NAALADL2: variants seen among roughly 807,000 people sequenced by gnomAD.
NAALADL2 encodes inactive N-acetylated-alpha-linked acidic dipeptidase-like protein 2.
A neutral mutation model predicts 87.2 loss-of-function variants in NAALADL2; 76 were observed. The observed-to-expected ratio is 0.87, with a 90% CI of 0.72 to 1.05. The LOEUF is 1.05. Among genes scored for constraint, NAALADL2 ranks in the 50% least tolerant of loss-of-function variants. The pLI is 0.00. For missense variants in NAALADL2, 1,089 were observed against 945.8 expected (o/e 1.15, Z -1.99); for synonymous variants, 354 against 331.0 (o/e 1.07, Z -0.75).
At chr3:174,829,027 A>G (rs553464044) in intron 3 of NAALADL2, among the ~76,000 whole-genome samples, 14 of 152,210 alleles carry the variant, frequency 9.2e-5, no homozygotes, top group Non-Finnish European at 1.6e-4. Flanking sequence ...TATTATGATC[A>G]GGCCCTGAGT....
At chr3:175,763,008 C>T (rs1006016399) in intron 13 of NAALADL2, among the ~76,000 whole-genome samples, 2 of 152,062 alleles carry the variant, frequency 1.3e-5, no homozygotes, top group African/African-American at 4.8e-5. Flanking sequence ...GGCATGAACC[C>T]AGGAGGCGGA....
rs186697688 is a variant in NAALADL2, at chr3:174,652,760, A to G, written c.-114-84881A>G. Among the ~76,000 whole-genome samples the G allele has an allele frequency of 4.6e-5, 7 of 152,300 alleles. No homozygotes were observed. In the East Asian group the frequency reaches 5.8e-4, roughly 13 times the overall value. ...CTATTATATTCAATTAAGAACTTCT[A>G]TAAATCAAAAGACATCATTAAGATA... On this transcript the variant is annotated intron_variant, in intron 2 of 3. Coordinates refer to the NAALADL2 transcript ENST00000434257.
chr3:175,645,163 C>G (rs1469102460), intron 11 of NAALADL2, among the ~76,000 whole-genome samples: 1 of 151,396 alleles, frequency 6.6e-6, no homozygotes, highest in African/African-American at 2.4e-5. Context: ...AATTTTTACT[C>G]AGCACCTGTA....
At chr3:175,190,724 C>T (rs189795085) in intron 2 of NAALADL2, among the ~76,000 whole-genome samples, 1 of 152,224 alleles carries the variant, frequency 6.6e-6, no homozygotes, top group African/African-American at 2.4e-5. Context: ...CGCCTGTAAT[C>T]CCAGCACTTT....
In NAALADL2 at chr3:174,826,675, G is replaced by T. The variant is rs578059462; in HGVS notation, c.-9+88929G>T. On this transcript the variant is annotated intron_variant, in intron 3 of 3. Coordinates refer to the NAALADL2 transcript ENST00000434257. ...TTTTCTCAGTGTATAAAATAGTTCTGACTTCCTTAGGGTTTTTGTAAGAAT... is the reference window on the plus strand; with the variant it reads ...TTTTCTCAGTGTATAAAATAGTTCTTACTTCCTTAGGGTTTTTGTAAGAAT... Among the ~76,000 whole-genome samples, 549 of 152,180 alleles carry T rather than the reference G, an allele frequency of 3.6e-3. 3 individuals carry two copies. The highest frequency in any genetic ancestry group is 0.02 in the Middle Eastern group (6 of 294).
chr3:174,688,067 T>C (rs1419759221), intron 2 of NAALADL2, among the ~76,000 whole-genome samples: 1 of 152,194 alleles, frequency 6.6e-6, no homozygotes, highest in Non-Finnish European at 1.5e-5. Flanking sequence ...ATTTTATATC[T>C]TATGTAATTT....
chr3:174,726,980 T>C (rs1036494462), intron 2 of NAALADL2, among the ~76,000 whole-genome samples: 1 of 152,260 alleles, frequency 6.6e-6, no homozygotes, highest in African/African-American at 2.4e-5. Context: ...GGTTCATTTA[T>C]TTATTAACCA....
intron 1 of NAALADL2, among the ~76,000 whole-genome samples, chr3:174,525,014 G>T (rs894008728): frequency 6.6e-6 from 1 of 152,168 alleles, no homozygotes; most frequent in Non-Finnish European, 1.5e-5. Context: ...GTATAGGTTT[G>T]TTGCCTGGAA....
At chr3:175,166,732 C>T (rs1734062776) in intron 2 of NAALADL2, among the ~76,000 whole-genome samples, 1 of 152,038 alleles carries the variant, frequency 6.6e-6, no homozygotes. Context: ...TATATACCTG[C>T]CCCTGTTCTC....
chr3:174,603,614 C>A (rs1411635507), intron 2 of NAALADL2, among the ~76,000 whole-genome samples: 1 of 151,362 alleles, frequency 6.6e-6, no homozygotes. Context: ...TTTTCTTCTA[C>A]TAATTTTGGG....
At chr3:174,566,255 G>T (rs1714251940) in intron 2 of NAALADL2, among the ~76,000 whole-genome samples, 1 of 151,750 alleles carries the variant, frequency 6.6e-6, no homozygotes, top group Non-Finnish European at 1.5e-5. Flanking sequence ...ATTAAATACA[G>T]ATATTTTTGT....
intron 4 of NAALADL2, among the ~76,000 whole-genome samples, chr3:175,296,608 AT>A (rs1489939565): frequency 6.6e-6 from 1 of 152,112 alleles, no homozygotes; most frequent in African/African-American, 2.4e-5. Flanking sequence ...AGATATATTT[AT>A]TCTTCAAGTC....
intron 9 of NAALADL2, among the ~76,000 whole-genome samples, chr3:175,558,798 C>T (rs553254148): frequency 1.4e-4 from 21 of 152,200 alleles, no homozygotes; most frequent in African/African-American, 5.1e-4. Flanking sequence ...TGTTTTTATG[C>T]CAGTACCATA....
At chr3:174,771,077 G>C (rs1022051812) in intron 3 of NAALADL2, among the ~76,000 whole-genome samples, 2 of 152,000 alleles carry the variant, frequency 1.3e-5, no homozygotes, top group Non-Finnish European at 2.9e-5. Flanking sequence ...GAATTTCTTC[G>C]ATGTTCAAAT....
At chr3:175,555,074 T>C (rs764499182) in intron 9 of NAALADL2, among the ~76,000 whole-genome samples, 1 of 152,230 alleles carries the variant, frequency 6.6e-6, no homozygotes, top group Non-Finnish European at 1.5e-5. Context: ...TTTCCAAGTC[T>C]ACTTTCTATG....
rs1029982981 is a variant in NAALADL2, at chr3:174,651,634, T to A, written c.-114-86007T>A. ...ATATTGAGTGATTTACCAAATGTCA[T>A]GTGGTTAATAAAGGAACAGAGCTCA... On this transcript the variant is annotated intron_variant, in intron 2 of 3. Coordinates refer to the NAALADL2 transcript ENST00000434257. Among the ~76,000 whole-genome samples the A allele has an allele frequency of 2.6e-5, 4 of 152,176 alleles. 1 individual carries two copies. The highest frequency in any genetic ancestry group is 4.4e-5 in the Non-Finnish European group (3 of 68,034).
chr3:174,565,201 A>G (rs938461422), intron 2 of NAALADL2, among the ~76,000 whole-genome samples: 1 of 152,086 alleles, frequency 6.6e-6, no homozygotes, highest in African/African-American at 2.4e-5. Flanking sequence ...TATAGATTAC[A>G]TTAGGATTTT....
chr3:174,934,509 A>C (rs111782070), intron 1 of NAALADL2, among the ~76,000 whole-genome samples: 1 of 152,238 alleles, frequency 6.6e-6, no homozygotes, highest in Non-Finnish European at 1.5e-5. Context: ...ATTCAAAAAT[A>C]TTTATGAAAT....
At chr3:175,456,456 A>T (rs1438523492) in intron 6 of NAALADL2, among the ~76,000 whole-genome samples, 2 of 151,814 alleles carry the variant, frequency 1.3e-5, no homozygotes, top group African/African-American at 4.8e-5. Context: ...GTAATTTTTA[A>T]CTACCAATAC....
Sources: allele counts gnomAD v4.1 joint callset (sites outside exome capture counted in the v4.1 genomes callset), GRCh38; gene constraint gnomAD v4.1.1; transcripts MANE v1.5; gene names NCBI Gene and HGNC (gene_info 2026-07-23, HGNC 2026-07-21).